The following IL1RAPL1 variants were observed in gnomAD, a reference collection of about 807,000 sequenced individuals.
IL1RAPL1 encodes the protein interleukin-1 receptor accessory protein-like 1.
In IL1RAPL1, 3 loss-of-function variants were observed where a neutral mutation model predicts 48.4. That is an observed-to-expected ratio of 0.06 (90% CI 0.03 to 0.16). The LOEUF (loss-of-function observed/expected upper bound fraction) is 0.16, where lower values mean the gene tolerates loss of function less well. Ranked by LOEUF, IL1RAPL1 falls within the 10% of genes least tolerant of loss-of-function variation. The pLI is 1.00. For synonymous variants in IL1RAPL1, 185 were observed against 187.7 expected (o/e 0.99, Z 0.12); for missense variants, 349 against 530.6 (o/e 0.66, Z 3.36).
At chrX:28,876,739 AT>A (rs1267112137) in intron 2 of IL1RAPL1, among the ~76,000 whole-genome samples, 1 of 93,883 alleles carries the variant, frequency 1.1e-5, no homozygotes, top group Non-Finnish European at 2.1e-5. Context: ...ATGCACCCTC[AT>A]TTTATTCTTG....
chrX:29,045,950 C>CTCCTTCTTCT (rs1555956647), intron 2 of IL1RAPL1, among the ~76,000 whole-genome samples: 1 of 72,237 alleles, frequency 1.4e-5, no homozygotes, highest in Non-Finnish European at 2.5e-5. Flanking sequence ...CTTCCTCCTC[C>CTCCTTCTTCT]TCCTCCTCCT....
intron 5 of IL1RAPL1, among the ~76,000 whole-genome samples, chrX:29,552,933 A>C (rs1921868592): frequency 9.5e-6 from 1 of 105,295 alleles, no homozygotes; most frequent in East Asian, 3.0e-4. Context: ...TTTCTGTCAT[A>C]ATGTATTTGA....
chrX:29,183,920 C>T (rs1004456104), intron 2 of IL1RAPL1, among the ~76,000 whole-genome samples: 5 of 111,922 alleles, frequency 4.5e-5, no homozygotes, highest in Admixed American at 3.8e-4. Flanking sequence ...TCTCGAACTC[C>T]TGACCTCAGA....
intron 5 of IL1RAPL1, among the ~76,000 whole-genome samples, chrX:29,637,507 A>G (rs1039783924): frequency 2.7e-5 from 3 of 111,419 alleles, no homozygotes; most frequent in Non-Finnish European, 5.7e-5. Flanking sequence ...TAAAGTTGAT[A>G]TATATGAATT....
chrX:28,692,660 A>G (rs1378629235), intron 1 of IL1RAPL1, among the ~76,000 whole-genome samples: 1 of 111,921 alleles, frequency 8.9e-6, no homozygotes, highest in Admixed American at 9.5e-5. Context: ...GTATAGGAAA[A>G]CCTTTACTGA....
chrX:29,672,118 G>A (rs1209249213), intron 6 of IL1RAPL1, among the ~76,000 whole-genome samples: 1 of 111,404 alleles, frequency 9.0e-6, no homozygotes, highest in Non-Finnish European at 1.9e-5. Context: ...CATATATATT[G>A]CTGGAAATTT....
At chrX:29,374,286 CTTTTTTTTTTTTTTTTT>C (rs747182215) in intron 3 of IL1RAPL1, among the ~76,000 whole-genome samples, 12 of 4,757 alleles carry the variant, frequency 2.5e-3, no homozygotes, top group Admixed American at 0.022. Flanking sequence ...TGGTTGGTTG[CTTTTTTTTTTTTTTTTT>C]TTTTTTTTTT....
intron 1 of IL1RAPL1, chrX:28,659,259 C>A: frequency 1.7e-6 from 1 of 602,413 alleles, no homozygotes. Flanking sequence ...ATTTCTTGCA[C>A]CAAACGCTGG....
intron 1 of IL1RAPL1, among the ~76,000 whole-genome samples, chrX:28,738,169 C>CT (rs747811250): frequency 3.8e-4 from 41 of 109,217 alleles, no homozygotes; most frequent in Middle Eastern, 9.3e-3. Context: ...TATCTAATCT[C>CT]TTTTTTTAAA....
chrX:28,658,287 G>A (rs911815489), intron 1 of IL1RAPL1, among the ~76,000 whole-genome samples: 4 of 111,404 alleles, frequency 3.6e-5, no homozygotes, highest in Non-Finnish European at 7.5e-5. Flanking sequence ...GTGTGATCTC[G>A]GCTCACTGCA....
At chrX:29,338,270 T>TACAC (rs898418959) in intron 3 of IL1RAPL1, among the ~76,000 whole-genome samples, 12 of 109,822 alleles carry the variant, frequency 1.1e-4, no homozygotes, top group Admixed American at 2.0e-4. Context: ...CACACACACA[T>TACAC]ACACACACAC....
intron 5 of IL1RAPL1, among the ~76,000 whole-genome samples, chrX:29,561,003 G>T (rs1922176275): frequency 8.9e-6 from 1 of 111,824 alleles, no homozygotes; most frequent in Admixed American, 9.5e-5. Context: ...CTTACTAACT[G>T]ACTTCAGGAT....
At chrX:28,792,382 A>G (rs1027635214) in intron 2 of IL1RAPL1, among the ~76,000 whole-genome samples, 16 of 111,404 alleles carry the variant, frequency 1.4e-4, no homozygotes, top group Non-Finnish European at 9.4e-5. Context: ...TTTTCTCATT[A>G]ACAGAACTAA....
intron 6 of IL1RAPL1, among the ~76,000 whole-genome samples, chrX:29,760,158 C>T (rs1466946901): frequency 1.8e-5 from 2 of 111,675 alleles, no homozygotes; most frequent in Non-Finnish European, 3.8e-5. Context: ...AGTGGATAGG[C>T]TTCCCAGTCA....
intron 5 of IL1RAPL1, among the ~76,000 whole-genome samples, chrX:29,551,004 T>C (rs1250048430): frequency 3.6e-5 from 4 of 112,161 alleles, no homozygotes; most frequent in Non-Finnish European, 1.9e-5. Flanking sequence ...ACAACCATTC[T>C]ATTTTCTGTC....
At chrX:29,316,105 C>CT (rs1932769585) in intron 3 of IL1RAPL1, among the ~76,000 whole-genome samples, 1 of 112,230 alleles carries the variant, frequency 8.9e-6, no homozygotes, top group African/African-American at 3.2e-5. Context: ...TGGTGCCTCA[C>CT]TTTCTGAAAC....
chrX:29,737,072 G>T (rs1173661768), intron 6 of IL1RAPL1, among the ~76,000 whole-genome samples: 3 of 111,800 alleles, frequency 2.7e-5, no homozygotes, highest in Admixed American at 9.5e-5. Flanking sequence ...AAATATTTTT[G>T]TATTTTAAAT....
chrX:29,089,716 G>A (rs1928037625), intron 2 of IL1RAPL1, among the ~76,000 whole-genome samples: 1 of 70,304 alleles, frequency 1.4e-5, no homozygotes, highest in African/African-American at 5.5e-5. Context: ...TATGGTCGTC[G>A]TTCGTTTTTC....
intron 5 of IL1RAPL1, among the ~76,000 whole-genome samples, chrX:29,442,861 C>A (rs200625575): frequency 1.2e-4 from 12 of 100,770 alleles, no homozygotes; most frequent in East Asian, 3.1e-4. Context: ...CTAACTATCT[C>A]AAAAAAAAAG....
Sources: allele counts gnomAD v4.1 joint callset (sites outside exome capture counted in the v4.1 genomes callset), GRCh38; gene constraint gnomAD v4.1.1; transcripts MANE v1.5; gene names NCBI Gene and HGNC (gene_info 2026-07-23, HGNC 2026-07-21).